The following PLA2G4D variants were observed in gnomAD, a reference collection of about 807,000 sequenced individuals.
The protein encoded by PLA2G4D is phospholipase A2 group IVD.
A neutral mutation model predicts 94.4 loss-of-function variants in PLA2G4D; 80 were observed. The ratio of observed to expected loss-of-function variants is 0.85; its 90% confidence interval spans 0.71 to 1.02. The LOEUF is 1.02. PLA2G4D is among the 50% of genes least tolerant of loss of function. The pLI is 0.00. For synonymous variants in PLA2G4D, 438 were observed against 440.9 expected (o/e 0.99, Z 0.08); for missense variants, 1,050 against 1,034.7 (o/e 1.01, Z -0.20).
In PLA2G4D at chr15:42,070,829, C is replaced by CA. The variant is rs765884400; in HGVS notation, c.1930dup (p.Cys644LeufsTer143). 24 of 1,611,372 alleles carry CA rather than the reference C, an allele frequency of 1.5e-5. No homozygotes were observed. The South Asian group carries it at 2.5e-4, about 17-fold the overall frequency. ...GATGAAGTAGGCGGCGTCCACCAGG[C>CA]AGAGCCGGGGCTCCTTGGGGGTCAG... On this transcript the variant is annotated frameshift_variant, in exon 18 of 20. Transcript: ENST00000290472. LOFTEE classifies it high-confidence loss of function.
Position 42,086,194 on chromosome 15 carries a change from T to TGGG in PLA2G4D, c.387+18_387+19insCCC. ...GGAAGAAGTGGGGCCCACGGGGACTTCCCCACCCACCCACCCACCTGGGGA... is the reference window on the plus strand; with the variant it reads ...GGAAGAAGTGGGGCCCACGGGGACTTGGGCCCCACCCACCCACCCACCTGGGGA... On this transcript the variant is annotated intron_variant, in intron 4 of 19. Transcript: ENST00000290472. The TGGG allele has an allele frequency of 3.6e-6, 5 of 1,370,430 alleles. No homozygotes were observed. Among genetic ancestry groups the TGGG allele is most frequent in the Non-Finnish European group, 4.8e-6 (5 of 1,043,072 alleles). 84.9% of individuals were successfully genotyped at this position (1,370,430 alleles called of 1,614,324 possible). A position where few individuals can be genotyped will look rare whatever the true frequency, so the allele number is the denominator to read the frequency against.
At position 42,084,029 on chromosome 15, in the gene PLA2G4D, A is replaced by G; in HGVS notation, c.472-250T>C. 1 of 513,834 alleles carries G rather than the reference A, an allele frequency of 1.9e-6. No homozygotes were observed. 31.8% of individuals were successfully genotyped at this position (513,834 alleles called of 1,614,324 possible). On this transcript the variant is annotated intron_variant, in intron 6 of 19. Coordinates refer to ENST00000290472, the MANE Select transcript of PLA2G4D (RefSeq NM_178034.4). The surrounding 1 kb of genome is among the most constrained non-coding windows in gnomAD (Gnocchi z 4.8). ...CCTCCAGCTCCCCTGGCTTTGCCAA[A>G]CTCCCGAAACCTCCTAGAGCGCCCA...
intron 1 of PLA2G4D, among the ~76,000 whole-genome samples, chr15:42,089,307 A>G (rs1317565066): frequency 4.6e-5 from 7 of 152,112 alleles, no homozygotes; most frequent in Non-Finnish European, 1.0e-4. Context: ...GGGCTGGCTC[A>G]GCACCCACGG....
chr15:42,081,427 C>G, intron 11 of PLA2G4D, 52 bp downstream of exon 11: 1 of 1,584,130 alleles, frequency 6.3e-7, no homozygotes. Context: ...TCAGGTACTC[C>G]CTTATGGCCC....
intron 1 of PLA2G4D, among the ~76,000 whole-genome samples, chr15:42,089,531 G>A (rs910177191): frequency 6.6e-6 from 1 of 152,172 alleles, no homozygotes; most frequent in Non-Finnish European, 1.5e-5. Context: ...AGTGGCACCA[G>A]CAACATGTCA....
At position 42,070,840 on chromosome 15, in the gene PLA2G4D, C is replaced by T; in HGVS notation, c.1920G>A (p.Glu640=). ...CGGCGTCCACCAGGCAGAGCCGGGGCTCCTTGGGGGTCAGCTGGCTGGGCA... is the reference window on the plus strand; with the variant it reads ...CGGCGTCCACCAGGCAGAGCCGGGGTTCCTTGGGGGTCAGCTGGCTGGGCA... ...DSMPSQLTPK[E]PRLCLVDAAY... Residue 640 remains glutamate, a synonymous_variant, in exon 18 of 20, where the codon GAG becomes GAA. Coordinates refer to ENST00000290472, the MANE Select transcript of PLA2G4D (RefSeq NM_178034.4). 1 of 1,612,100 alleles carries T rather than the reference C, an allele frequency of 6.2e-7. No individual in the cohort carries two copies. Among genetic ancestry groups the T allele is most frequent in the South Asian group, 1.1e-5 (1 of 90,440 alleles).
chr15:42,072,674 C>T (rs1889851240), intron 13 of PLA2G4D, among the ~76,000 whole-genome samples: 1 of 152,202 alleles, frequency 6.6e-6, no homozygotes, highest in African/African-American at 2.4e-5. Flanking sequence ...CCAGGCCCAT[C>T]TTCGTGGATT....
At chr15:42,077,905 T>C (rs1386074865) in intron 13 of PLA2G4D, among the ~76,000 whole-genome samples, 5 of 152,220 alleles carry the variant, frequency 3.3e-5, no homozygotes, top group Non-Finnish European at 5.9e-5. Context: ...TCGAACTAGA[T>C]TGGAGACTGG....
At chr15:42,072,901 G>T (rs890321512) in intron 13 of PLA2G4D, among the ~76,000 whole-genome samples, 2 of 152,076 alleles carry the variant, frequency 1.3e-5, no homozygotes, top group South Asian at 4.1e-4. Flanking sequence ...CCCCCTCATC[G>T]TCCCTCTTCT....
chr15:42,075,119 T>C (rs1889894016), intron 13 of PLA2G4D, among the ~76,000 whole-genome samples: 1 of 152,232 alleles, frequency 6.6e-6, no homozygotes, highest in Non-Finnish European at 1.5e-5. Context: ...AGATGGGGTC[T>C]CACTATGTTG....
rs557754098 is a variant in PLA2G4D at position 42,091,590 on chromosome 15, T to C, written c.45+2825A>G. 1.5e-4 allele frequency among the ~76,000 whole-genome samples: 18 copies of C among 121,374 alleles called. No individual in the cohort carries two copies. The East Asian group carries it at 4.1e-3, about 28-fold the overall frequency. 79.6% of individuals were successfully genotyped at this position (121,374 alleles called of 152,430 possible). A position where few individuals can be genotyped will look rare whatever the true frequency, so the allele number is the denominator to read the frequency against. On this transcript the variant is annotated intron_variant, in intron 1 of 19. Coordinates refer to ENST00000290472, the MANE Select transcript of PLA2G4D (RefSeq NM_178034.4). ...GCAGACCGGGAAAGGGAGTCTCCCT[T>C]TCCCCGGGGGAGTTAGAGAAGACTC...
chr15:42,070,102 G>A lies in PLA2G4D; in HGVS notation c.2044-7C>T, dbSNP rs1191775483. 1 of 1,489,454 alleles carries A rather than the reference G, an allele frequency of 6.7e-7. No individual in the cohort carries two copies. 92.3% of individuals were successfully genotyped at this position (1,489,454 alleles called of 1,614,324 possible). On this transcript the variant is annotated splice_polypyrimidine_tract_variant and splice_region_variant and intron_variant, in intron 18 of 19. Transcript: ENST00000290472. ...GCTCCGTCTGCTGCAGTGCCTGGTG[G>A]GGAGAAGGTGGCCCGGAGAGAACCA...
chr15:42,071,670 C>CCCCCCCA, intron 15 of PLA2G4D, 104 bp downstream of exon 15: 1 of 1,342,730 alleles, frequency 7.4e-7, no homozygotes, highest in Non-Finnish European at 1.0e-6. Flanking sequence ...CCCGCCACCC[C>CCCCCCCA]TCCCCCTTGT....
intron 9 of PLA2G4D, 93 bp from the exon 10 acceptor site, chr15:42,081,927 C>CTT (rs398027016): frequency 0.025 from 17,568 of 695,174 alleles, 48 homozygotes; most frequent in African/African-American, 0.037. Flanking sequence ...CATCTTCATT[C>CTT]TTTTTTTTTT....
rs768234275 is a variant in PLA2G4D, at chr15:42,087,329, A to G, written c.226T>C (p.Phe76Leu). ...DTSHPVWNEAFRFLIQSQVKN... is the reference protein window; with the variant it reads ...DTSHPVWNEALRFLIQSQVKN... ...ACCTGACTTTGGATAAGGAAACGGA[A>G]GGCCTCATTCCACACAGGATGACTG... The change falls in exon 3 of 20, where the codon TTC becomes CTC. Residue 76 changes from phenylalanine to leucine, a missense_variant. Coordinates refer to ENST00000290472, the MANE Select transcript of PLA2G4D (RefSeq NM_178034.4). The G allele has an allele frequency of 6.2e-7, 1 of 1,614,138 alleles. No individual in the cohort carries two copies. Among genetic ancestry groups the G allele is most frequent in the Non-Finnish European group, 8.5e-7 (1 of 1,180,016 alleles).
chr15:42,074,018 G>GTA (rs1889875431), intron 13 of PLA2G4D, among the ~76,000 whole-genome samples: 1 of 152,220 alleles, frequency 6.6e-6, no homozygotes, highest in Non-Finnish European at 1.5e-5. Flanking sequence ...TGGTGGTGGT[G>GTA]TACGTACGAG....
chr15:42,068,949 G>A lies in PLA2G4D; in HGVS notation c.2231-8C>T, dbSNP rs765309935. The A allele has an allele frequency of 1.4e-5, 22 of 1,603,040 alleles. No homozygotes were observed. In the South Asian group the frequency reaches 2.5e-4, roughly 18 times the overall value. ...CGGGGCTGCGCTGGACACCTGCCCAGGGGTAGGAGGGGTGTCAGGAGCAGG... is the reference window on the plus strand; with the variant it reads ...CGGGGCTGCGCTGGACACCTGCCCAAGGGTAGGAGGGGTGTCAGGAGCAGG... On this transcript the variant is annotated splice_region_variant and splice_polypyrimidine_tract_variant and intron_variant, in intron 19 of 19. Transcript: ENST00000290472.
At position 42,081,593 on chromosome 15, in the gene PLA2G4D, G is replaced by A; in HGVS notation, c.843C>T (p.His281=). ...AEGCPEELAV[H]LGFNLCAEEQ... is the part of the protein sequence containing the mutation. ...CCTCTGCACAGAGATTGAAGCCCAG[G>A]TGCACGGCCAGCTCCTCAGGGCTGT... Residue 281 remains histidine, a synonymous_variant, in exon 11 of 20, where the codon CAC becomes CAT. Coordinates refer to ENST00000290472, the MANE Select transcript of PLA2G4D (RefSeq NM_178034.4). 1 of 1,614,166 alleles carries A rather than the reference G, an allele frequency of 6.2e-7. No individual in the cohort carries two copies. Among genetic ancestry groups the A allele is most frequent in the Non-Finnish European group, 8.5e-7 (1 of 1,180,008 alleles).
At chr15:42,091,584 C>A (rs1398383791) in intron 1 of PLA2G4D, among the ~76,000 whole-genome samples, 2 of 123,446 alleles carry the variant, frequency 1.6e-5, no homozygotes, top group East Asian at 4.7e-4. Context: ...GAAAGGGAGT[C>A]TCCCTTTCCC....
Sources: gnomAD v4.1 joint callset for allele counts (sites outside exome capture counted in the v4.1 genomes callset) on GRCh38, gnomAD v4.1.1 for gene constraint, Gnocchi (gnomAD v3.1) non-coding constraint, MANE v1.5 for transcripts, NCBI Gene and HGNC (gene_info 2026-07-23, HGNC 2026-07-21) for gene names.